The following RAB40C variants were observed in gnomAD, a reference collection of about 807,000 sequenced individuals.
RAB40C encodes ras-related protein Rab-40C.
RAB40C carries 8 observed loss-of-function variants against 28.1 expected under a neutral mutation model. The observed-to-expected ratio is 0.28, with a 90% confidence interval of 0.17 to 0.51. The LOEUF (loss-of-function observed/expected upper bound fraction) is 0.51, where lower values mean the gene tolerates loss of function less well. RAB40C is among the 20% of genes least tolerant of loss of function. The pLI, the probability that RAB40C is intolerant of heterozygous loss-of-function variation, is 0.97. For missense variants in RAB40C, 288 were observed against 405.9 expected (o/e 0.71, Z 2.50); for synonymous variants, 201 against 171.7 (o/e 1.17, Z -1.34).
At chr16:596,700 G>A (rs1414583067) in intron 1 of RAB40C, among the ~76,000 whole-genome samples, 2 of 152,208 alleles carry the variant, frequency 1.3e-5, no homozygotes, top group East Asian at 1.9e-4. Flanking sequence ...TTACGAAGGC[G>A]GTGGGAAGAG....
chr16:598,658 C>T (rs894015009), intron 1 of RAB40C, among the ~76,000 whole-genome samples: 1 of 151,964 alleles, frequency 6.6e-6, no homozygotes, highest in East Asian at 1.9e-4. Context: ...GGGAAACTCA[C>T]TGGAGCCTGG....
intron 3 of RAB40C, chr16:624,702 C>T: frequency 2.0e-6 from 2 of 985,406 alleles, no homozygotes; most frequent in Non-Finnish European, 2.4e-6. Flanking sequence ...GATCTGGTTG[C>T]AGAATTGTAG....
intron 3 of RAB40C, chr16:624,136 C>G: frequency 1.0e-6 from 1 of 985,460 alleles, no homozygotes; most frequent in Non-Finnish European, 1.2e-6. Flanking sequence ...TCGTTGTTAT[C>G]AGCGCCACTG....
chr16:618,264 A>C lies in RAB40C; in HGVS notation c.264+4A>C. On this transcript the variant is annotated splice_donor_region_variant and intron_variant, in intron 3 of 5. Transcript: ENST00000248139. ...GTCCTACTCCAGGGGCGCTCAGGTA[A>C]GACCAGCACCGCTCTTTCCATTGCT... is the stretch of plus-strand genomic sequence containing the variant. The C allele has an allele frequency of 6.2e-7, 1 of 1,610,064 alleles. No individual in the cohort carries two copies. The highest frequency in any genetic ancestry group is 1.3e-5 in the African/African-American group (1 of 74,856).
chr16:625,116 C>T (rs986723995), intron 3 of RAB40C: 83 of 1,330,548 alleles, frequency 6.2e-5, no homozygotes, highest in Non-Finnish European at 7.6e-5. Context: ...GCACGTCCCC[C>T]GGCTGCCAGA....
At chr16:602,021 G>A (rs889486182) in intron 1 of RAB40C, among the ~76,000 whole-genome samples, 20 of 152,058 alleles carry the variant, frequency 1.3e-4, no homozygotes, top group African/African-American at 4.3e-4. Flanking sequence ...AGCTACTCAG[G>A]AGGCTGAGGC....
intron 3 of RAB40C, chr16:624,507 C>T (rs550983028): frequency 6.5e-5 from 64 of 985,474 alleles, no homozygotes; most frequent in Admixed American, 4.3e-4. Flanking sequence ...TTGTTCTAAA[C>T]AGGACCTGGG....
intron 1 of RAB40C, among the ~76,000 whole-genome samples, chr16:599,286 G>T (rs1047285702): frequency 6.6e-6 from 1 of 152,238 alleles, no homozygotes; most frequent in Non-Finnish European, 1.5e-5. Context: ...GTGTCCTCAG[G>T]CTCTGCCAAG....
intron 1 of RAB40C, among the ~76,000 whole-genome samples, chr16:601,474 C>T (rs912159979): frequency 4.6e-5 from 7 of 152,072 alleles, no homozygotes; most frequent in Non-Finnish European, 1.0e-4. Flanking sequence ...GTGTGCTGAG[C>T]ACCCCTGGGT....
At chr16:611,542 C>T (rs1375129164) in intron 1 of RAB40C, among the ~76,000 whole-genome samples, 3 of 152,200 alleles carry the variant, frequency 2.0e-5, no homozygotes, top group African/African-American at 7.2e-5. Context: ...AGGGTGTTGA[C>T]GGCCTGAGCG....
chr16:590,221 C>T lies in RAB40C; in HGVS notation c.-71C>T, dbSNP rs2035959873. The T allele has an allele frequency of 5.1e-6, 6 of 1,171,870 alleles. No homozygotes were observed. The highest frequency in any genetic ancestry group is 3.5e-5 in the South Asian group (1 of 28,412). The allele number at this position is 1,171,870 out of a possible 1,614,324, so 72.6% of individuals were successfully genotyped here. A position where few individuals can be genotyped will look rare whatever the true frequency, so the allele number is the denominator to read the frequency against. On this transcript the variant is annotated 5_prime_UTR_variant, in exon 1 of 6. Transcript: ENST00000248139. ...AACGGGCGCAGGTGCGGGGCGCGGG[C>T]TCTCTCACGCCGCGGCCTCACCCGG...
chr16:589,726 A>T (rs1284228825), upstream of RAB40C: 1 of 151,556 alleles, frequency 6.6e-6, no homozygotes, highest in African/African-American at 2.4e-5. Context: ...CTTATAATCG[A>T]ACCAATGGTT....
intron 1 of RAB40C, among the ~76,000 whole-genome samples, chr16:605,603 G>T (rs2036344470): frequency 6.6e-6 from 1 of 152,206 alleles, no homozygotes; most frequent in Admixed American, 6.5e-5. Flanking sequence ...TCTTCTGGGT[G>T]AGCTTCGGCC....
In RAB40C at chr16:625,874, C is replaced by T. The variant is rs115517847; in HGVS notation, c.343-25C>T. ...GGGTGGGTGGCACCCTGCGTTTGTG[C>T]GTCTGCTGAGTTCTGTGCCCCCAGC... On this transcript the variant is annotated intron_variant, in intron 4 of 5. Coordinates refer to ENST00000248139, the MANE Select transcript of RAB40C (RefSeq NM_021168.5). The T allele has an allele frequency of 2.4e-4, 380 of 1,592,910 alleles. 3 individuals are homozygous for T. The African/African-American group carries it at 4.9e-3, about 21-fold the overall frequency.
intron 1 of RAB40C, among the ~76,000 whole-genome samples, chr16:597,619 T>C (rs2036155998): frequency 6.6e-6 from 1 of 151,962 alleles, no homozygotes; most frequent in South Asian, 2.1e-4. Flanking sequence ...CCTGAGTAGC[T>C]GGGATTACAG....
chr16:616,772 G>A (rs932887720), intron 1 of RAB40C: 2 of 171,370 alleles, frequency 1.2e-5, no homozygotes, highest in Admixed American at 5.9e-5. Context: ...AGTAGGTCAG[G>A]GTGGAAATAA....
At position 615,982 on chromosome 16, in the gene RAB40C, G is replaced by A. The variant is rs991987659; in HGVS notation, c.143-1226G>A. On this transcript the variant is annotated intron_variant, in intron 1 of 5. Coordinates refer to ENST00000248139, the MANE Select transcript of RAB40C (RefSeq NM_021168.5). Reference sequence around the variant, plus strand: ...ATCTCAAAAAAGAAAAAAAGGCCGGGTGCAGTGGCTCACGCCTGTAATCCT... The same window carrying A: ...ATCTCAAAAAAGAAAAAAAGGCCGGATGCAGTGGCTCACGCCTGTAATCCT... Among the ~76,000 whole-genome samples, 9 of 152,084 alleles carry A rather than the reference G, an allele frequency of 5.9e-5. No homozygotes were observed. The South Asian group carries it at 1.5e-3, about 25-fold the overall frequency.
rs2036892896 is a variant in RAB40C, at chr16:628,603, G to A, written c.*981G>A. 2.0e-5 allele frequency: 3 copies of A among 152,420 alleles called. No homozygotes were observed. The highest frequency in any genetic ancestry group is 7.2e-5 in the African/African-American group (3 of 41,444). 9.4% of individuals were successfully genotyped at this position (152,420 alleles called of 1,614,324 possible). On this transcript the variant is annotated 3_prime_UTR_variant, in exon 6 of 6. Coordinates refer to ENST00000248139, the MANE Select transcript of RAB40C (RefSeq NM_021168.5). ...TCGTCCACGTCCACGTCCACCTGGG[G>A]GCCTCGGGAGGCTAGGCCCCTCCTC...
intron 3 of RAB40C, 139 bp from the exon 4 acceptor site, chr16:625,293 T>G: frequency 6.9e-7 from 1 of 1,459,830 alleles, no homozygotes; most frequent in Non-Finnish European, 9.2e-7. Context: ...CTGGAGGGCA[T>G]GGCTCATCTG....
Sources: allele counts gnomAD v4.1 joint callset (sites outside exome capture counted in the v4.1 genomes callset), GRCh38; gene constraint gnomAD v4.1.1; transcripts MANE v1.5; gene names NCBI Gene and HGNC (gene_info 2026-07-23, HGNC 2026-07-21).